The following OCRL variants were observed in gnomAD, a reference collection of about 807,000 sequenced individuals.
OCRL encodes the protein OCRL inositol polyphosphate-5-phosphatase, also known as inositol polyphosphate 5-phosphatase OCRL.
A neutral mutation model predicts 78.9 loss-of-function variants in OCRL; 8 were observed. The observed-to-expected ratio is 0.10, with a 90% confidence interval of 0.06 to 0.18. OCRL has a LOEUF of 0.18. Among genes scored for constraint, OCRL ranks in the 10% least tolerant of loss-of-function variants. The pLI is 1.00. For synonymous variants in OCRL, 240 were observed against 235.4 expected (o/e 1.02, Z -0.18); for missense variants, 454 against 696.7 (o/e 0.65, Z 3.92).
At chrX:129,578,731 A>G (rs1249646741) in intron 18 of OCRL, among the ~76,000 whole-genome samples, 1 of 111,425 alleles carries the variant, frequency 9.0e-6, no homozygotes, top group African/African-American at 3.2e-5. Context: ...CAAAATCATT[A>G]GAGGAATGAA....
intron 18 of OCRL, among the ~76,000 whole-genome samples, chrX:129,583,827 A>G (rs1408697156): frequency 9.0e-6 from 1 of 111,269 alleles, no homozygotes; most frequent in East Asian, 2.8e-4. Flanking sequence ...AAATCTGGGC[A>G]CTCTGGGGGC....
At chrX:129,550,418 G>A (rs1840239602) in intron 4 of OCRL, among the ~76,000 whole-genome samples, 1 of 111,101 alleles carries the variant, frequency 9.0e-6, no homozygotes, top group Admixed American at 9.5e-5. Context: ...TTTCACCATA[G>A]GTCTGTGCCA....
At chrX:129,579,101 GAAATCTGAAATGCTTC>G (rs1936409308) in intron 18 of OCRL, among the ~76,000 whole-genome samples, 1 of 111,517 alleles carries the variant, frequency 9.0e-6, no homozygotes, top group African/African-American at 3.3e-5. Context: ...CTGGAAATCG[GAAATCTGAAATGCTTC>G]AATGAGCATT....
In OCRL at chrX:129,544,973, G is replaced by C; in HGVS notation, c.135G>C (p.Leu45Phe). 1 of 1,159,087 alleles carries C rather than the reference G, an allele frequency of 8.6e-7. No individual in the cohort carries two copies. The highest frequency in any genetic ancestry group is 1.2e-6 in the Non-Finnish European group (1 of 847,776). ...TGTTTCCTAGGTTAATAATCCAGTT[G>C]CATGAGAAGGAACAGCATGTTCAAG... ...RNGQYELIIQ[L>F]HEKEQHVQDI... The change falls in exon 3 of 24, where the codon TTG (leucine) becomes TTC (phenylalanine). Residue 45 changes from leucine to phenylalanine, a missense_variant. By Grantham distance (22) the Leu-to-Phe change is conservative. This residue lies in a region of OCRL where 177 missense variants were observed against 179.6 expected (regional missense o/e 0.99). Coordinates refer to ENST00000371113, the MANE Select transcript of OCRL (RefSeq NM_000276.4).
chrX:129,589,595 G>A, intron 22 of OCRL: 1 of 406,569 alleles, frequency 2.5e-6, no homozygotes, highest in Non-Finnish European at 4.3e-6. Flanking sequence ...GGCAGGGTGT[G>A]CGTATGAATG....
chrX:129,569,220 CT>C (rs1282635889), intron 14 of OCRL, 43 bp from the exon 15 acceptor site: 4 of 1,199,072 alleles, frequency 3.3e-6, no homozygotes, highest in Non-Finnish European at 3.4e-6. Context: ...GTATTATGTT[CT>C]TGTGTGATAT....
At chrX:129,550,809 A>C (rs774415824) in intron 4 of OCRL, among the ~76,000 whole-genome samples, 94 of 111,412 alleles carry the variant, frequency 8.4e-4, no homozygotes, top group African/African-American at 3.0e-3. Flanking sequence ...ATCGTTGTAC[A>C]CTATACCAGT....
At chrX:129,553,194 G>A (rs1935990151) in intron 4 of OCRL, 1 of 112,419 alleles carries the variant, frequency 8.9e-6, no homozygotes, top group Non-Finnish European at 1.9e-5. Flanking sequence ...TTTTGGAAGG[G>A]ATTATATCAA....
chrX:129,557,864 A>G lies in OCRL; in HGVS notation c.353A>G (p.Gln118Arg). The G allele has an allele frequency of 8.4e-7, 1 of 1,183,469 alleles. No homozygotes were observed. Among genetic ancestry groups the G allele is most frequent in the Non-Finnish European group, 1.2e-6 (1 of 869,394 alleles). ...LSAVLAAQKA[Q>R]SQLLVPEQKD... ...ACCATGAACCTTATCTCTCTAGCTCAGTCACAGCTTCTTGTTCCAGAGCAA... is the reference window on the plus strand; with the variant it reads ...ACCATGAACCTTATCTCTCTAGCTCGGTCACAGCTTCTTGTTCCAGAGCAA... Residue 118 changes from glutamine to arginine, a missense_variant, in exon 6 of 24, where the codon CAG (glutamine) becomes CGG (arginine). Physicochemically the swap from Gln to Arg is conservative, Grantham distance 43 (BLOSUM62 1). This residue lies in a region of OCRL where 177 missense variants were observed against 179.6 expected (regional missense o/e 0.99). Transcript: ENST00000371113.
chrX:129,560,249 G>A (rs1275428458), intron 8 of OCRL, among the ~76,000 whole-genome samples: 1 of 112,195 alleles, frequency 8.9e-6, no homozygotes, highest in Non-Finnish European at 1.9e-5. Flanking sequence ...CTCCTATCAA[G>A]TATGAGTTTG....
intron 16 of OCRL, among the ~76,000 whole-genome samples, chrX:129,575,499 G>A (rs1320310563): frequency 8.9e-6 from 1 of 112,025 alleles, no homozygotes; most frequent in Non-Finnish European, 1.9e-5. Context: ...GTTAATACAT[G>A]CAAAGCTCTC....
chrX:129,584,450 C>A, intron 19 of OCRL, 83 bp downstream of exon 19: 1 of 957,654 alleles, frequency 1.0e-6, no homozygotes, highest in Non-Finnish European at 1.5e-6. Flanking sequence ...TGTCCCTAGG[C>A]TTTCCCATAT....
intron 18 of OCRL, among the ~76,000 whole-genome samples, chrX:129,579,805 C>A (rs776675883): frequency 7.7e-4 from 86 of 111,968 alleles, no homozygotes; most frequent in Middle Eastern, 4.6e-3. Flanking sequence ...TGTGAGTTCC[C>A]ATAATTTAGT....
At chrX:129,554,153 A>T (rs774779451) in intron 4 of OCRL, among the ~76,000 whole-genome samples, 1 of 74,778 alleles carries the variant, frequency 1.3e-5, no homozygotes, top group East Asian at 8.4e-4. Context: ...CCATCAGATT[A>T]AAAAAAAAAA....
intron 4 of OCRL, among the ~76,000 whole-genome samples, chrX:129,552,379 AG>A (rs1569457923): frequency 2.7e-5 from 3 of 112,116 alleles, no homozygotes; most frequent in Non-Finnish European, 5.6e-5. Flanking sequence ...GTTTTCCTCA[AG>A]GGGGAAGGGT....
intron 14 of OCRL, among the ~76,000 whole-genome samples, chrX:129,567,902 CTTTTTTTTT>C (rs56035022): frequency 1.1e-5 from 1 of 91,427 alleles, no homozygotes; most frequent in Non-Finnish European, 2.2e-5. Flanking sequence ...TTAGTAGACC[CTTTTTTTTT>C]TTTTTTTTTT....
chrX:129,582,824 T>C (rs941283687), intron 18 of OCRL, among the ~76,000 whole-genome samples: 1 of 99,593 alleles, frequency 1.0e-5, no homozygotes, highest in Admixed American at 1.1e-4. Context: ...GTGGGAGGAA[T>C]GCATTCAGTA....
At chrX:129,567,935 C>CT (rs1337475263) in intron 14 of OCRL, among the ~76,000 whole-genome samples, 8 of 89,119 alleles carry the variant, frequency 9.0e-5, no homozygotes, top group African/African-American at 3.5e-4. Context: ...GAGACGGAGT[C>CT]TCGCTCTGTC....
At chrX:129,549,900 C>T (rs1006017282) in intron 4 of OCRL, 1 of 112,034 alleles carries the variant, frequency 8.9e-6, no homozygotes, top group African/African-American at 3.2e-5. Flanking sequence ...TAGTTACTGG[C>T]TCATAGGGGG....
Sources: gnomAD v4.1 joint callset for allele counts (sites outside exome capture counted in the v4.1 genomes callset) on GRCh38, gnomAD v4.1.1 for gene constraint, gnomAD v4.1.1 regional missense constraint, MANE v1.5 for transcripts, NCBI Gene and HGNC (gene_info 2026-07-23, HGNC 2026-07-21) for gene names.